Variants in PCSK6 observed in about 807,000 individuals in gnomAD.
PCSK6 encodes the protein paired basic amino acid cleaving enzyme 4.
PCSK6 carries 85 observed loss-of-function variants against 123.3 expected under a neutral mutation model. The ratio of observed to expected loss-of-function variants is 0.69; its 90% confidence interval spans 0.58 to 0.83. The LOEUF (loss-of-function observed/expected upper bound fraction) is 0.83, where lower values mean the gene tolerates loss of function less well. Ranked by LOEUF, PCSK6 falls within the 40% of genes least tolerant of loss-of-function variation. The probability of loss-of-function intolerance (pLI) is 0.00; values close to 1 mark genes in which losing one functional copy is unlikely to be tolerated. For synonymous variants in PCSK6, 508 were observed against 516.0 expected (o/e 0.98, Z 0.21); for missense variants, 1,191 against 1,282.3 (o/e 0.93, Z 1.09).
chr15:101,313,529 A>G, intron 19 of PCSK6, 24 bp from the exon 20 acceptor site: 1 of 1,578,490 alleles, frequency 6.3e-7, no homozygotes, highest in Non-Finnish European at 8.6e-7. Context: ...GAAAAGAAGC[A>G]GGTATCAGGG....
intron 1 of PCSK6, among the ~76,000 whole-genome samples, chr15:101,463,837 C>T (rs2057394033): frequency 6.6e-6 from 1 of 152,056 alleles, no homozygotes; most frequent in African/African-American, 2.4e-5. Context: ...CAGGTAGATT[C>T]TTCCTATGTC....
chr15:101,395,501 C>T (rs1164727123), intron 7 of PCSK6, among the ~76,000 whole-genome samples: 1 of 152,242 alleles, frequency 6.6e-6, no homozygotes, highest in African/African-American at 2.4e-5. Context: ...CCTTTCCCCT[C>T]CTTAAAACGG....
At chr15:101,424,173 T>C (rs965287971) in intron 6 of PCSK6, among the ~76,000 whole-genome samples, 32 of 151,006 alleles carry the variant, frequency 2.1e-4, no homozygotes, top group African/African-American at 7.5e-4. Flanking sequence ...AGTTTAAGGC[T>C]GCAGTGAGCT....
intron 13 of PCSK6, among the ~76,000 whole-genome samples, chr15:101,357,370 G>A (rs567599208): frequency 6.6e-6 from 1 of 152,360 alleles, no homozygotes; most frequent in East Asian, 1.9e-4. Flanking sequence ...CAGCTGACTC[G>A]ATGCTGACGA....
chr15:101,311,018 G>A (rs2039847050), intron 20 of PCSK6, among the ~76,000 whole-genome samples: 1 of 152,330 alleles, frequency 6.6e-6, no homozygotes, highest in Middle Eastern at 3.4e-3. Context: ...TTTGGATCAT[G>A]GGGTGGATCC....
intron 13 of PCSK6, among the ~76,000 whole-genome samples, chr15:101,340,558 C>T (rs774539209): frequency 6.6e-6 from 1 of 152,248 alleles, no homozygotes; most frequent in African/African-American, 2.4e-5. Flanking sequence ...TCACTCCATT[C>T]TACCTCTTGG....
At chr15:101,447,290 G>A (rs2056917250) in intron 1 of PCSK6, among the ~76,000 whole-genome samples, 1 of 152,142 alleles carries the variant, frequency 6.6e-6, no homozygotes, top group African/African-American at 2.4e-5. Flanking sequence ...CTCACGCAGG[G>A]TCACCTGTGG....
intron 7 of PCSK6, among the ~76,000 whole-genome samples, chr15:101,397,515 AG>A (rs1360478516): frequency 6.6e-6 from 1 of 152,030 alleles, no homozygotes; most frequent in Non-Finnish European, 1.5e-5. Flanking sequence ...CATCCCCCAC[AG>A]GAGGAGTCAG....
intron 1 of PCSK6, among the ~76,000 whole-genome samples, chr15:101,461,583 C>T (rs1482156434): frequency 6.6e-6 from 1 of 152,074 alleles, no homozygotes; most frequent in Non-Finnish European, 1.5e-5. Flanking sequence ...AATATAGAAG[C>T]AAAACTCCTA....
intron 13 of PCSK6, among the ~76,000 whole-genome samples, chr15:101,353,620 T>C (rs1016539217): frequency 6.6e-6 from 1 of 152,198 alleles, no homozygotes; most frequent in African/African-American, 2.4e-5. Context: ...TTTTAATATT[T>C]CATTTAATTT....
intron 1 of PCSK6, among the ~76,000 whole-genome samples, chr15:101,483,477 T>A (rs1205011215): frequency 1.3e-5 from 2 of 152,228 alleles, no homozygotes; most frequent in East Asian, 3.8e-4. Context: ...CCTGCCTTTT[T>A]ATGTTCAGAC....
chr15:101,366,390 A>AG, intron 12 of PCSK6, 58 bp from the exon 13 acceptor site: 1 of 1,549,300 alleles, frequency 6.5e-7, no homozygotes, highest in Non-Finnish European at 8.8e-7. Context: ...GGCTGGGCGG[A>AG]GGGGCTGGCA....
intron 13 of PCSK6, among the ~76,000 whole-genome samples, chr15:101,352,036 C>T (rs1162544886): frequency 6.6e-6 from 1 of 151,842 alleles, no homozygotes; most frequent in Non-Finnish European, 1.5e-5. Context: ...CTATCTGACC[C>T]TTTACAGAAA....
chr15:101,307,441 T>C, intron 20 of PCSK6, 116 bp from the exon 21 acceptor site: 1 of 697,864 alleles, frequency 1.4e-6, no homozygotes, highest in African/African-American at 1.8e-5. Context: ...GCCTCGGTCC[T>C]CTGTGGAGAG....
At chr15:101,449,026 T>A (rs907410724) in intron 1 of PCSK6, among the ~76,000 whole-genome samples, 1 of 152,184 alleles carries the variant, frequency 6.6e-6, no homozygotes, top group African/African-American at 2.4e-5. Context: ...TGTGCATATG[T>A]ATATGGATGT....
At chr15:101,481,023 C>T (rs773099580) in intron 1 of PCSK6, among the ~76,000 whole-genome samples, 2 of 152,156 alleles carry the variant, frequency 1.3e-5, no homozygotes, top group Non-Finnish European at 2.9e-5. Context: ...AGTGCCCAGG[C>T]CAGTGAGAGC....
intron 2 of PCSK6, among the ~76,000 whole-genome samples, chr15:101,434,732 C>T (rs934804759): frequency 6.6e-5 from 10 of 152,202 alleles, no homozygotes; most frequent in Non-Finnish European, 1.0e-4. Flanking sequence ...AGATGACTGA[C>T]CAGGCGTGGG....
chr15:101,346,684 G>C (rs1016800512), intron 13 of PCSK6: 34 of 1,069,498 alleles, frequency 3.2e-5, no homozygotes, highest in Non-Finnish European at 3.8e-5. Context: ...GGCAAATCTG[G>C]GAAAGGGGTT....
At chr15:101,317,893 C>G (rs957117872) in intron 19 of PCSK6, among the ~76,000 whole-genome samples, 1 of 152,228 alleles carries the variant, frequency 6.6e-6, no homozygotes, top group African/African-American at 2.4e-5. Context: ...CGGGGTCTCA[C>G]AGCTTTGCTG....
Sources: gnomAD v4.1 joint callset for allele counts (sites outside exome capture counted in the v4.1 genomes callset) on GRCh38, gnomAD v4.1.1 for gene constraint, MANE v1.5 for transcripts, NCBI Gene and HGNC (gene_info 2026-07-23, HGNC 2026-07-21) for gene names.